Variants in GLP2R observed in about 807,000 individuals in gnomAD.
GLP2R encodes glucagon like peptide 2 receptor, also known as glucagon-like peptide 2 receptor.
In GLP2R, 59 loss-of-function variants were observed where a neutral mutation model predicts 68.2. The observed-to-expected ratio is 0.87, with a 90% CI of 0.70 to 1.07. The LOEUF is 1.07. Ranked by LOEUF, GLP2R falls within the 50% of genes least tolerant of loss-of-function variation. GLP2R has a pLI of 0.00. For synonymous variants in GLP2R, 270 were observed against 265.4 expected, an observed-to-expected ratio of 1.02 and a Z score of -0.17; for missense variants, 548 against 677.4, an observed-to-expected ratio of 0.81 and a Z score of 2.12.
chr17:9,862,394 C>T (rs979232841), intron 9 of GLP2R, among the ~76,000 whole-genome samples: 1 of 152,190 alleles, frequency 6.6e-6, no homozygotes, highest in African/African-American at 2.4e-5. Flanking sequence ...ATACCAATGC[C>T]TTTAGTCATG....
Position 9,890,363 on chromosome 17 carries a change from A to T in GLP2R, c.*658A>T, listed in dbSNP as rs1419159062. 1 of 250,394 alleles carries T rather than the reference A, an allele frequency of 4.0e-6. No individual in the cohort carries two copies. Among genetic ancestry groups the T allele is most frequent in the African/African-American group, 2.3e-5 (1 of 43,460 alleles). 15.5% of individuals were successfully genotyped at this position (250,394 alleles called of 1,614,324 possible). On this transcript the variant is annotated 3_prime_UTR_variant, in exon 13 of 13. Transcript: ENST00000262441. ...GCCTGCCCTCCTTGGAGAGTATGTA[A>T]CTCCACCCACCAGAGTGCCACTCCT...
chr17:9,844,511 C>T (rs1433492867), intron 4 of GLP2R, among the ~76,000 whole-genome samples: 1 of 151,828 alleles, frequency 6.6e-6, no homozygotes, highest in Non-Finnish European at 1.5e-5. Flanking sequence ...ACGGTAGGAC[C>T]TGGCTGGTGC....
At chr17:9,839,345 A>G (rs965272193) in intron 3 of GLP2R, among the ~76,000 whole-genome samples, 18 of 152,116 alleles carry the variant, frequency 1.2e-4, no homozygotes, top group African/African-American at 4.3e-4. Context: ...TGGAGTAGAA[A>G]CTGAGGGACA....
intron 10 of GLP2R, among the ~76,000 whole-genome samples, chr17:9,876,116 A>G (rs2067140369): frequency 2.0e-5 from 3 of 152,176 alleles, no homozygotes; most frequent in Admixed American, 2.0e-4. Flanking sequence ...ACCTCGGGTG[A>G]TTCGCCCACC....
At position 9,840,125 on chromosome 17, in the gene GLP2R, C is replaced by T. The variant is rs140738678; in HGVS notation, c.383-2370C>T. 2.6e-3 allele frequency among the ~76,000 whole-genome samples: 388 copies of T among 152,140 alleles called. 2 individuals carry two copies. Among genetic ancestry groups the T allele is most frequent in the African/African-American group, 8.8e-3 (365 of 41,494 alleles). ...CCAAGTAGCTGGGATTACAGGCACA[C>T]ATCACCATACCAAGCTAATTTGTGT... On this transcript the variant is annotated intron_variant, in intron 3 of 12. Transcript: ENST00000262441.
chr17:9,873,581 G>GTTTTTTTTTTTTTTTTTTTTTTT (rs2067117034), intron 10 of GLP2R, among the ~76,000 whole-genome samples: 1 of 16,772 alleles, frequency 6.0e-5, no homozygotes. Flanking sequence ...TTTTTTTTTA[G>GTTTTTTTTTTTTTTTTTTTTTTT]CTCATCAGCT....
intron 4 of GLP2R, chr17:9,852,845 G>T: frequency 2.8e-6 from 1 of 357,884 alleles, no homozygotes; most frequent in African/African-American, 2.1e-5. Flanking sequence ...CCATCAGCAG[G>T]AAGTTTTAAT....
At chr17:9,854,290 C>T (rs985942590) in intron 4 of GLP2R, among the ~76,000 whole-genome samples, 1 of 152,236 alleles carries the variant, frequency 6.6e-6, no homozygotes, top group Non-Finnish European at 1.5e-5. Flanking sequence ...GGGCTCTTCA[C>T]TTGTTAAGGC....
At chr17:9,868,245 A>G (rs1331947936) in intron 9 of GLP2R, among the ~76,000 whole-genome samples, 1 of 151,614 alleles carries the variant, frequency 6.6e-6, no homozygotes, top group Non-Finnish European at 1.5e-5. Context: ...TCACAAGAGT[A>G]GCTCTACAGG....
intron 10 of GLP2R, among the ~76,000 whole-genome samples, chr17:9,879,340 T>TAAAATAAAATAAAATAAAATAAGATAAA (rs1567737400): frequency 9.0e-6 from 1 of 111,158 alleles, no homozygotes; most frequent in East Asian, 4.9e-4. Context: ...TAAAATAAAA[T>TAAAATAAAATAAAATAAAATAAGATAAA]AAAATAATTA....
chr17:9,847,417 A>C (rs1179121342), intron 4 of GLP2R, among the ~76,000 whole-genome samples: 2 of 151,964 alleles, frequency 1.3e-5, no homozygotes, highest in African/African-American at 2.4e-5. Flanking sequence ...CTACAGGGGC[A>C]CGCTGCCACA....
At chr17:9,852,255 T>C (rs905684800) in intron 4 of GLP2R, among the ~76,000 whole-genome samples, 1 of 152,112 alleles carries the variant, frequency 6.6e-6, no homozygotes, top group Non-Finnish European at 1.5e-5. Flanking sequence ...CCGTGTGTGA[T>C]GTTCCCCTCT....
intron 10 of GLP2R, 32 bp downstream of exon 10, chr17:9,870,867 C>A: frequency 9.9e-7 from 1 of 1,011,094 alleles, no homozygotes; most frequent in Non-Finnish European, 1.6e-6. Flanking sequence ...CCCAGCAGTC[C>A]AAGGTTATTG....
intron 2 of GLP2R, among the ~76,000 whole-genome samples, chr17:9,836,056 A>C (rs968958475): frequency 6.6e-6 from 1 of 151,872 alleles, no homozygotes; most frequent in East Asian, 2.0e-4. Flanking sequence ...AAAAAAAAAA[A>C]AAAAGAAAGA....
At chr17:9,842,683 T>A (rs944521112) in intron 4 of GLP2R, 67 bp downstream of exon 4, 2 of 1,557,156 alleles carry the variant, frequency 1.3e-6, no homozygotes, top group Non-Finnish European at 1.8e-6. Context: ...GACACCCCAG[T>A]GGCCTGCTGG....
At position 9,890,473 on chromosome 17, in the gene GLP2R, A is replaced by C; in HGVS notation, c.*768A>C. The C allele has an allele frequency of 6.2e-6, 1 of 160,354 alleles. No homozygotes were observed. 9.9% of individuals were successfully genotyped at this position (160,354 alleles called of 1,614,324 possible). On this transcript the variant is annotated 3_prime_UTR_variant, in exon 13 of 13. Coordinates refer to ENST00000262441, the MANE Select transcript of GLP2R (RefSeq NM_004246.3). Reference sequence around the variant, plus strand: ...CCCTGCACAGCAGGAGTTCTGCTTGATCCTCCCTTTGAGGATTGGCCCCAG... The same window carrying C: ...CCCTGCACAGCAGGAGTTCTGCTTGCTCCTCCCTTTGAGGATTGGCCCCAG...
intron 1 of GLP2R, among the ~76,000 whole-genome samples, chr17:9,830,205 T>A (rs778746553): frequency 1.1e-4 from 16 of 152,136 alleles, no homozygotes; most frequent in Non-Finnish European, 2.4e-4. Flanking sequence ...CTATGGCCAT[T>A]GGCCATGGCA....
Position 9,887,942 on chromosome 17 carries a change from TG to T in GLP2R, c.1297del (p.Ala433ProfsTer11). ...CTCCTTTTGTTTCAGGGGTTCCTGG[TG>T]GCCTTGCAGTATGGTTTTGCCAATG... ...LTLSSFHGFLVALQYGFANGE... is the reference protein window; with the variant it reads ...LTLSSFHGFLXALQYGFANGE... On this transcript the variant is annotated frameshift_variant, in exon 12 of 13. Coordinates refer to ENST00000262441, the MANE Select transcript of GLP2R (RefSeq NM_004246.3). LOFTEE classifies it low-confidence loss of function (END_TRUNC). 6.2e-7 allele frequency: 1 copy of T among 1,612,154 alleles called. No individual in the cohort carries two copies. The highest frequency in any genetic ancestry group is 8.5e-7 in the Non-Finnish European group (1 of 1,178,196).
intron 10 of GLP2R, among the ~76,000 whole-genome samples, chr17:9,877,202 A>C (rs959852016): frequency 2.0e-5 from 3 of 152,240 alleles, no homozygotes; most frequent in African/African-American, 7.2e-5. Context: ...TGGATAGTTA[A>C]ATGATTGCAA....
Sources: allele counts gnomAD v4.1 joint callset (sites outside exome capture counted in the v4.1 genomes callset), GRCh38; gene constraint gnomAD v4.1.1; transcripts MANE v1.5; gene names NCBI Gene and HGNC (gene_info 2026-07-23, HGNC 2026-07-21).